Variants in BIK observed in about 807,000 individuals in gnomAD.
BIK encodes the protein BCL2 interacting killer.
Under a neutral mutation model 12.1 loss-of-function variants are expected in BIK, and 14 were observed. That is an observed-to-expected ratio of 1.16 (90% CI 0.77 to 1.81). The LOEUF (loss-of-function observed/expected upper bound fraction) is 1.81, where lower values mean the gene tolerates loss of function less well. Among genes scored for constraint, BIK ranks in the 40% most tolerant of loss-of-function variants. The probability of loss-of-function intolerance (pLI) is 0.00; values close to 1 mark genes in which losing one functional copy is unlikely to be tolerated. For missense variants in BIK, 215 were observed against 207.9 expected, an observed-to-expected ratio of 1.03 and a Z score of -0.21; for synonymous variants, 86 against 92.3, an observed-to-expected ratio of 0.93 and a Z score of 0.39.
chr22:43,123,152 G>A (rs1188669929), intron 1 of BIK, among the ~76,000 whole-genome samples: 1 of 152,118 alleles, frequency 6.6e-6, no homozygotes, highest in East Asian at 1.9e-4. Context: ...TGTGAAGAAG[G>A]ATGTGTGATG....
At chr22:43,124,879 G>A (rs1196502764) in intron 2 of BIK, among the ~76,000 whole-genome samples, 1 of 152,080 alleles carries the variant, frequency 6.6e-6, no homozygotes, top group African/African-American at 2.4e-5. Flanking sequence ...GCAACAGAGC[G>A]AGACTCCATC....
intron 1 of BIK, among the ~76,000 whole-genome samples, chr22:43,119,004 G>A (rs4988387): frequency 4.6e-5 from 7 of 151,922 alleles, no homozygotes; most frequent in African/African-American, 1.2e-4. Context: ...GCGAGCTGTC[G>A]AGTGCAGAGC....
intron 1 of BIK, among the ~76,000 whole-genome samples, chr22:43,117,898 C>T (rs1930149287): frequency 6.6e-6 from 1 of 151,964 alleles, no homozygotes; most frequent in Non-Finnish European, 1.5e-5. Context: ...TGGTCTTGAA[C>T]TCCTGACCTC....
chr22:43,126,203 T>G (rs1382477934), intron 2 of BIK, among the ~76,000 whole-genome samples: 1 of 150,758 alleles, frequency 6.6e-6, no homozygotes, highest in African/African-American at 2.4e-5. Context: ...TTTTTTTTTT[T>G]GAGACGGAGT....
chr22:43,126,786 T>C (rs1465456118), intron 2 of BIK, among the ~76,000 whole-genome samples: 3 of 152,088 alleles, frequency 2.0e-5, no homozygotes, highest in East Asian at 1.9e-4. Flanking sequence ...TTGGAGGACA[T>C]GAAGCCTGGG....
At chr22:43,114,636 G>A (rs2147017553) in intron 1 of BIK, among the ~76,000 whole-genome samples, 2 of 152,232 alleles carry the variant, frequency 1.3e-5, no homozygotes, top group Middle Eastern at 6.8e-3. Context: ...CAGTATCTTC[G>A]AGATTAGAGG....
At chr22:43,125,649 C>T (rs115069474) in intron 2 of BIK, among the ~76,000 whole-genome samples, 7 of 151,778 alleles carry the variant, frequency 4.6e-5, no homozygotes, top group Non-Finnish European at 7.4e-5. Flanking sequence ...GAACCCGGGA[C>T]GTGGAGGTTG....
chr22:43,122,267 T>A (rs1032390238), intron 1 of BIK, among the ~76,000 whole-genome samples: 1 of 152,164 alleles, frequency 6.6e-6, no homozygotes, highest in African/African-American at 2.4e-5. Flanking sequence ...TCAGCAGGCA[T>A]GAGGAATTAA....
At chr22:43,111,146 C>G (rs1448606601) in intron 1 of BIK, among the ~76,000 whole-genome samples, 4 of 152,162 alleles carry the variant, frequency 2.6e-5, no homozygotes, top group Non-Finnish European at 5.9e-5. Context: ...GGCTTCCGGG[C>G]ACCCGGCTCC....
chr22:43,129,124 T>G (rs1192871376), intron 4 of BIK, 89 bp from the exon 5 acceptor site: 9 of 1,595,366 alleles, frequency 5.6e-6, no homozygotes, highest in Non-Finnish European at 5.9e-6. Context: ...CCCACCCTCC[T>G]GGGCTTCCCC....
At chr22:43,124,225 C>G (rs1304424976) in intron 2 of BIK, 42 bp downstream of exon 2, 1 of 1,601,484 alleles carries the variant, frequency 6.2e-7, no homozygotes, top group Admixed American at 1.7e-5. Context: ...CTGATAGTGA[C>G]TTCAGGGGTG....
At chr22:43,116,184 A>G (rs1482565816) in intron 1 of BIK, among the ~76,000 whole-genome samples, 1 of 152,228 alleles carries the variant, frequency 6.6e-6, no homozygotes, top group Admixed American at 6.5e-5. Flanking sequence ...TCATTTCAAA[A>G]TCAGTCAAGA....
chr22:43,129,359 A>C lies in BIK; in HGVS notation c.*54A>C. On this transcript the variant is annotated 3_prime_UTR_variant, in exon 5 of 5. Transcript: ENST00000216115. ...CCCACCCCCATGACCACTGCCCTGG[A>C]GGTGGCGGCCTGCTGCTGTTATCTT... The C allele has an allele frequency of 6.4e-7, 1 of 1,557,998 alleles. No homozygotes were observed. Among genetic ancestry groups the C allele is most frequent in the Non-Finnish European group, 8.6e-7 (1 of 1,162,844 alleles).
intron 1 of BIK, among the ~76,000 whole-genome samples, chr22:43,120,759 C>T (rs13056684): frequency 2.6e-4 from 40 of 152,340 alleles, no homozygotes; most frequent in Non-Finnish European, 5.0e-4. Context: ...GATCTGGGCC[C>T]TAAGGCCAGC....
intron 1 of BIK, among the ~76,000 whole-genome samples, chr22:43,120,179 G>A (rs1004597891): frequency 4.6e-5 from 7 of 152,050 alleles, no homozygotes; most frequent in African/African-American, 1.2e-4. Flanking sequence ...CCTGTTAGTG[G>A]ATGTGGCACA....
Position 43,129,402 on chromosome 22 carries a change from G to C in BIK, c.*97G>C, listed in dbSNP as rs1462464078. The C allele has an allele frequency of 1.4e-6, 2 of 1,460,398 alleles. No homozygotes were observed. The highest frequency in any genetic ancestry group is 1.8e-6 in the Non-Finnish European group (2 of 1,109,254). 90.5% of individuals were successfully genotyped at this position (1,460,398 alleles called of 1,614,324 possible). On this transcript the variant is annotated 3_prime_UTR_variant, in exon 5 of 5. Coordinates refer to ENST00000216115, the MANE Select transcript of BIK (RefSeq NM_001197.5). ...GTTATCTTTTTAACTGTTTTCTCATGATGCCTTTTTATATTTAAACCCCGA... is the reference window on the plus strand; with the variant it reads ...GTTATCTTTTTAACTGTTTTCTCATCATGCCTTTTTATATTTAAACCCCGA...
chr22:43,121,528 G>A (rs985390626), intron 1 of BIK, among the ~76,000 whole-genome samples: 2 of 152,158 alleles, frequency 1.3e-5, no homozygotes, highest in African/African-American at 4.8e-5. Context: ...GAGGCTCGGT[G>A]CAGCTCACAG....
At chr22:43,124,229 AG>A (rs1350412797) in intron 2 of BIK, 46 bp downstream of exon 2, 2 of 1,599,976 alleles carry the variant, frequency 1.3e-6, no homozygotes, top group Admixed American at 3.4e-5. Context: ...TAGTGACTTC[AG>A]GGGTGGGCTG....
chr22:43,123,754 G>C (rs1031912634), intron 1 of BIK, among the ~76,000 whole-genome samples: 8 of 152,014 alleles, frequency 5.3e-5, no homozygotes, highest in Non-Finnish European at 8.8e-5. Flanking sequence ...CAAAAACAAA[G>C]AAAGAAAGAA....
Sources: allele counts gnomAD v4.1 joint callset (sites outside exome capture counted in the v4.1 genomes callset), GRCh38; gene constraint gnomAD v4.1.1; transcripts MANE v1.5; gene names NCBI Gene and HGNC (gene_info 2026-07-23, HGNC 2026-07-21).